The following WDR25 variants were observed in gnomAD, a reference collection of about 807,000 sequenced individuals.
The protein encoded by WDR25 is WD repeat domain 25.
In WDR25, 35 loss-of-function variants were observed where a neutral mutation model predicts 47.7. The ratio of observed to expected loss-of-function variants is 0.73; its 90% CI spans 0.56 to 0.97. The LOEUF (loss-of-function observed/expected upper bound fraction) is 0.97. Ranked by LOEUF, WDR25 falls within the 50% of genes least tolerant of loss-of-function variation. The pLI is 0.00. For missense variants in WDR25, 634 were observed against 704.7 expected, an observed-to-expected ratio of 0.90 and a Z score of 1.14; for synonymous variants, 248 against 278.9, an observed-to-expected ratio of 0.89 and a Z score of 1.10.
intron 4 of WDR25, among the ~76,000 whole-genome samples, chr14:100,485,505 C>G (rs774514342): frequency 1.2e-4 from 18 of 152,180 alleles, no homozygotes; most frequent in Non-Finnish European, 1.8e-4. Context: ...AGGGCAGATA[C>G]AGGAGGTGGG....
intron 4 of WDR25, among the ~76,000 whole-genome samples, chr14:100,508,635 G>A (rs150409718): frequency 9.2e-4 from 140 of 152,076 alleles, no homozygotes; most frequent in African/African-American, 2.8e-3. Context: ...TAGAACTTTC[G>A]GTACAATACT....
intron 2 of WDR25, among the ~76,000 whole-genome samples, chr14:100,437,622 G>A (rs1325925580): frequency 3.3e-5 from 5 of 152,100 alleles, no homozygotes; most frequent in Admixed American, 3.3e-4. Context: ...AGACACTTGG[G>A]CATTGGTTGC....
intron 2 of WDR25, among the ~76,000 whole-genome samples, chr14:100,405,162 C>T (rs917286839): frequency 1.1e-5 from 1 of 90,920 alleles, no homozygotes; most frequent in Admixed American, 8.9e-5. Flanking sequence ...CCTCTCTCTG[C>T]CCCATCTTTT....
chr14:100,423,102 A>G (rs1898073404), intron 2 of WDR25, among the ~76,000 whole-genome samples: 1 of 152,246 alleles, frequency 6.6e-6, no homozygotes, highest in African/African-American at 2.4e-5. Context: ...CCCAATTTAA[A>G]AATGCCCTGA....
Position 100,394,326 on chromosome 14 carries a change from G to A in WDR25, c.822+12580G>A, listed in dbSNP as rs545052172. ...GCAGTGGTTGAGGTGGTGGACTTGG[G>A]GGATGGCTCAGCTGATGGGCCTTGT... On this transcript the variant is annotated intron_variant, in intron 2 of 6. Coordinates refer to ENST00000402312, the MANE Select transcript of WDR25 (RefSeq NM_001161476.3). 3.3e-5 allele frequency among the ~76,000 whole-genome samples: 5 copies of A among 152,244 alleles called. No homozygotes were observed. The East Asian group carries it at 7.7e-4, about 24-fold the overall frequency.
chr14:100,491,147 T>C (rs145908779), intron 4 of WDR25, among the ~76,000 whole-genome samples: 2 of 152,348 alleles, frequency 1.3e-5, no homozygotes, highest in Middle Eastern at 3.4e-3. Context: ...CTGTGCACGC[T>C]GTGTGCGCCA....
At chr14:100,411,922 T>C (rs894774310) in intron 2 of WDR25, among the ~76,000 whole-genome samples, 3 of 152,240 alleles carry the variant, frequency 2.0e-5, no homozygotes, top group Admixed American at 1.3e-4. Context: ...AAAGATCTAA[T>C]GTTGAATGTA....
In WDR25 at chr14:100,530,123, A is replaced by C; in HGVS notation, c.*82A>C. On this transcript the variant is annotated 3_prime_UTR_variant, in exon 7 of 7. Coordinates refer to ENST00000402312, the MANE Select transcript of WDR25 (RefSeq NM_001161476.3). ...TCAAGGGTAGATGAGAGGAACGAGC[A>C]CAGAGGTTGGCTGTGGGTCCTGGGT... The C allele has an allele frequency of 6.9e-7, 1 of 1,447,076 alleles. No homozygotes were observed. Among genetic ancestry groups the C allele is most frequent in the South Asian group, 1.3e-5 (1 of 76,788 alleles). The allele number at this position is 1,447,076 out of a possible 1,614,324, so 89.6% of individuals were successfully genotyped here.
intron 3 of WDR25, among the ~76,000 whole-genome samples, chr14:100,471,422 C>A (rs1429546469): frequency 6.6e-6 from 1 of 152,222 alleles, no homozygotes; most frequent in Admixed American, 6.5e-5. Context: ...ATCCCACCTC[C>A]AGCTTTTGGT....
intron 4 of WDR25, among the ~76,000 whole-genome samples, chr14:100,522,527 C>T (rs1389718147): frequency 6.6e-6 from 1 of 152,188 alleles, no homozygotes; most frequent in Non-Finnish European, 1.5e-5. Context: ...GAAGACAATG[C>T]ATTTATTATT....
chr14:100,469,818 G>T (rs559797775), intron 3 of WDR25, among the ~76,000 whole-genome samples: 19 of 152,276 alleles, frequency 1.2e-4, no homozygotes, highest in Non-Finnish European at 2.4e-4. Flanking sequence ...ACTGGCCAGG[G>T]GCACAAACCA....
chr14:100,510,170 T>A (rs1901255798), intron 4 of WDR25, among the ~76,000 whole-genome samples: 1 of 151,856 alleles, frequency 6.6e-6, no homozygotes, highest in Admixed American at 6.6e-5. Flanking sequence ...CTCAGGAGGC[T>A]GAGGCAAGAG....
chr14:100,409,426 C>A (rs553538707), intron 2 of WDR25, among the ~76,000 whole-genome samples: 1 of 151,670 alleles, frequency 6.6e-6, no homozygotes, highest in Non-Finnish European at 1.5e-5. Flanking sequence ...GGACCCCCCC[C>A]CACCCATCCC....
Position 100,484,079 on chromosome 14 carries a change from A to C in WDR25, c.1056A>C (p.Gly352=). The C allele has an allele frequency of 6.2e-7, 1 of 1,614,020 alleles. No individual in the cohort carries two copies. Among genetic ancestry groups the C allele is most frequent in the Non-Finnish European group, 8.5e-7 (1 of 1,179,988 alleles). ...AAGACCACAACATCTTTTTATGTGG[A>C]GGCTTCAGCTCTGAAATGAAAGCTT... The part of the protein sequence containing the change: ...HPKDHNIFLC[G]GFSSEMKAWD... The change falls in exon 4 of 7, where the codon GGA becomes GGC. Residue 352 remains glycine, a synonymous_variant. Transcript: ENST00000402312.
At chr14:100,379,625 T>G (rs1896824549) in intron 1 of WDR25, among the ~76,000 whole-genome samples, 1 of 152,092 alleles carries the variant, frequency 6.6e-6, no homozygotes, top group African/African-American at 2.4e-5. Context: ...TGACCTCAGG[T>G]GATCCACCAA....
chr14:100,492,597 A>G (rs1434033111), intron 4 of WDR25, among the ~76,000 whole-genome samples: 1 of 152,240 alleles, frequency 6.6e-6, no homozygotes, highest in African/African-American at 2.4e-5. Flanking sequence ...ATTCTAATTT[A>G]TAAATCTTCT....
chr14:100,505,829 G>A (rs987839092), intron 4 of WDR25, among the ~76,000 whole-genome samples: 1 of 152,146 alleles, frequency 6.6e-6, no homozygotes. Flanking sequence ...GGATACTAAT[G>A]TGAGTGGAAT....
intron 2 of WDR25, among the ~76,000 whole-genome samples, chr14:100,386,482 TCCA>T (rs1897020647): frequency 6.6e-6 from 1 of 152,272 alleles, no homozygotes; most frequent in Non-Finnish European, 1.5e-5. Context: ...CATACTTTGC[TCCA>T]TCATTTCCAT....
chr14:100,453,070 A>G (rs1899090703), intron 2 of WDR25, among the ~76,000 whole-genome samples: 1 of 152,142 alleles, frequency 6.6e-6, no homozygotes. Flanking sequence ...GTGAGGGGGA[A>G]GGGCATAAAG....
Sources: allele counts gnomAD v4.1 joint callset (sites outside exome capture counted in the v4.1 genomes callset), GRCh38; gene constraint gnomAD v4.1.1; transcripts MANE v1.5; gene names NCBI Gene and HGNC (gene_info 2026-07-23, HGNC 2026-07-21).